CTBP2: variants seen among roughly 807,000 people sequenced by gnomAD.
CTBP2 encodes C-terminal-binding protein 2.
Under a neutral mutation model 80.3 loss-of-function variants are expected in CTBP2, and 30 were observed. The observed-to-expected ratio is 0.37, with a 90% confidence interval of 0.28 to 0.51. The LOEUF (loss-of-function observed/expected upper bound fraction) is 0.51. CTBP2 is among the 20% of genes least tolerant of loss of function. The pLI is 0.93. For synonymous variants in CTBP2, 594 were observed against 587.4 expected (o/e 1.01, Z -0.16); for missense variants, 1,212 against 1,375.3 (o/e 0.88, Z 1.88).
At chr10:125,045,341 T>C (rs901888350) in intron 2 of CTBP2, among the ~76,000 whole-genome samples, 2 of 152,154 alleles carry the variant, frequency 1.3e-5, no homozygotes, top group South Asian at 4.1e-4. Flanking sequence ...ACTAAGACAA[T>C]GGCCAAAAGT....
At chr10:125,119,941 G>A (rs536484602) in intron 1 of CTBP2, among the ~76,000 whole-genome samples, 1 of 152,220 alleles carries the variant, frequency 6.6e-6, no homozygotes, top group African/African-American at 2.4e-5. Flanking sequence ...CATTTAGGAT[G>A]TAAGTCCCTG....
intron 1 of CTBP2, chr10:125,005,565 A>T (rs1337757568): frequency 9.9e-6 from 16 of 1,611,416 alleles, no homozygotes; most frequent in Admixed American, 1.7e-5. Context: ...GACCTGTATG[A>T]GTGGACAGGA....
chr10:125,041,661 G>A (rs531904121), intron 2 of CTBP2, among the ~76,000 whole-genome samples: 39 of 152,206 alleles, frequency 2.6e-4, no homozygotes, highest in African/African-American at 8.7e-4. Context: ...CATCAGCTGC[G>A]TCATCCAAGG....
intron 4 of CTBP2, chr10:124,997,091 C>G (rs1953714424): frequency 6.6e-6 from 1 of 152,312 alleles, no homozygotes; most frequent in Non-Finnish European, 1.5e-5. Flanking sequence ...GAGCTCCAAG[C>G]AAGGGCTGAG....
chr10:125,160,776 G>A (rs1861814175), upstream of CTBP2: 1 of 134,004 alleles, frequency 7.5e-6, no homozygotes. Context: ...CCCGCCGAGA[G>A]GGGGCTGCGC....
intron 2 of CTBP2, among the ~76,000 whole-genome samples, chr10:125,052,307 G>A (rs1350332309): frequency 1.3e-5 from 2 of 152,148 alleles, no homozygotes; most frequent in Admixed American, 6.5e-5. Flanking sequence ...CAACACGCAC[G>A]GCCTGAGGTG....
chr10:125,004,664 C>G (rs1107957), intron 1 of CTBP2, among the ~76,000 whole-genome samples: 141,186 of 152,204 alleles, frequency 0.93, 65,847 homozygotes, highest in Non-Finnish European at 0.98. Flanking sequence ...GGCTCATCAA[C>G]TTTTCAGATA....
chr10:125,120,396 T>C (rs1320408235), intron 1 of CTBP2, among the ~76,000 whole-genome samples: 2 of 152,236 alleles, frequency 1.3e-5, no homozygotes, highest in Non-Finnish European at 2.9e-5. Flanking sequence ...ATTTCTTTTT[T>C]TCTTTTTTGA....
rs1377665445 is a variant in CTBP2 at position 125,155,783 on chromosome 10, C to A, written c.-206+4536G>T. Among the ~76,000 whole-genome samples the A allele has an allele frequency of 2.6e-5, 4 of 152,206 alleles. No individual in the cohort carries two copies. In the East Asian group the frequency reaches 7.7e-4, roughly 29 times the overall value. ...CAAAAGATGAGGTGGGGAGGAGAAG[C>A]CTTGCATTTTCCCTTCTTTCCAGGA... On this transcript the variant is annotated intron_variant, in intron 1 of 10. Transcript: ENST00000337195.
At chr10:124,991,812 A>T (rs1419713901) in intron 8 of CTBP2, among the ~76,000 whole-genome samples, 1 of 135,496 alleles carries the variant, frequency 7.4e-6, no homozygotes, top group Non-Finnish European at 1.5e-5. Context: ...ATATGCAAAA[A>T]TTTTTCTTAA....
intron 2 of CTBP2, among the ~76,000 whole-genome samples, chr10:125,058,061 G>A (rs753866646): frequency 1.3e-5 from 2 of 152,086 alleles, no homozygotes; most frequent in Non-Finnish European, 2.9e-5. Context: ...TAACTTGGAG[G>A]CCTCTCGGAG....
At chr10:124,992,671 G>C in intron 8 of CTBP2, 24 bp downstream of exon 10, 1 of 1,567,058 alleles carries the variant, frequency 6.4e-7, no homozygotes. Context: ...CACAAGCTGA[G>C]ACAAAGTCAG....
intron 2 of CTBP2, among the ~76,000 whole-genome samples, chr10:125,108,225 T>C (rs1851750631): frequency 6.6e-6 from 1 of 152,216 alleles, no homozygotes; most frequent in South Asian, 2.1e-4. Flanking sequence ...AGGAGAAGGC[T>C]GAAGTGTTTG....
intron 2 of CTBP2, among the ~76,000 whole-genome samples, chr10:125,097,229 T>C (rs780095203): frequency 1.3e-5 from 2 of 152,216 alleles, no homozygotes; most frequent in Non-Finnish European, 2.9e-5. Context: ...CACACCTGAC[T>C]CAAGCATTTC....
In CTBP2 at chr10:125,148,155, G is replaced by A. The variant is rs142082835; in HGVS notation, c.-206+12164C>T. Among the ~76,000 whole-genome samples the A allele has an allele frequency of 2.5e-3, 387 of 152,246 alleles. 1 individual carries two copies. Among genetic ancestry groups the A allele is most frequent in the African/African-American group, 8.4e-3 (347 of 41,528 alleles). The stretch of plus-strand genomic sequence containing the variant: ...GGGCAGGACCATCTCTCCTTGGGCC[G>A]AGCCTCAGTGTTTGAAAGGAAGAAA... On this transcript the variant is annotated intron_variant, in intron 1 of 10. Transcript: ENST00000337195.
intron 1 of CTBP2, among the ~76,000 whole-genome samples, chr10:125,129,716 T>TTC (rs1855837692): frequency 6.6e-6 from 1 of 152,204 alleles, no homozygotes; most frequent in Non-Finnish European, 1.5e-5. Context: ...TTCAGAGCGA[T>TTC]TCACAGGAGG....
intron 4 of CTBP2, 81 bp from the exon 7 acceptor site, chr10:124,994,764 G>T: frequency 7.0e-7 from 1 of 1,419,666 alleles, no homozygotes; most frequent in Non-Finnish European, 9.8e-7. Context: ...TCTGAGCTGA[G>T]TCCGGGCTTG....
intron 1 of CTBP2, among the ~76,000 whole-genome samples, chr10:125,146,174 T>C (rs966425474): frequency 6.6e-6 from 1 of 152,212 alleles, no homozygotes; most frequent in African/African-American, 2.4e-5. Flanking sequence ...GGTTTTGCCA[T>C]GTTGGCCAGG....
chr10:125,016,351 C>T (rs976027993), intron 1 of CTBP2, among the ~76,000 whole-genome samples: 2 of 152,252 alleles, frequency 1.3e-5, no homozygotes, highest in Non-Finnish European at 2.9e-5. Context: ...GACCAGGAGC[C>T]CTCTGGATGG....
Sources: allele counts gnomAD v4.1 joint callset (sites outside exome capture counted in the v4.1 genomes callset), GRCh38; gene constraint gnomAD v4.1.1; transcripts MANE v1.5; gene names NCBI Gene and HGNC (gene_info 2026-07-23, HGNC 2026-07-21).